CACNA1E: variants seen among roughly 807,000 people sequenced by gnomAD.
CACNA1E encodes the protein calcium voltage-gated channel subunit alpha1 E.
CACNA1E carries 40 observed loss-of-function variants against 259.2 expected under a neutral mutation model. The observed-to-expected ratio is 0.15, with a 90% CI of 0.12 to 0.20. CACNA1E has a LOEUF of 0.20. Among genes scored for constraint, CACNA1E ranks in the 10% least tolerant of loss-of-function variants. The pLI is 1.00. For missense variants in CACNA1E, 1,874 were observed against 3,040.1 expected, an observed-to-expected ratio of 0.62 and a Z score of 9.02; for synonymous variants, 1,104 against 1,138.5, an observed-to-expected ratio of 0.97 and a Z score of 0.61.
chr1:181,620,605 G>A (rs1469192691), intron 6 of CACNA1E, among the ~76,000 whole-genome samples: 1 of 152,188 alleles, frequency 6.6e-6, no homozygotes, highest in Non-Finnish European at 1.5e-5. Context: ...CTATACTCAT[G>A]GCATTATGGT....
At chr1:181,791,591 C>T (rs1428666379) in intron 44 of CACNA1E, among the ~76,000 whole-genome samples, 1 of 152,216 alleles carries the variant, frequency 6.6e-6, no homozygotes, top group Non-Finnish European at 1.5e-5. Flanking sequence ...GGTTCCTAAA[C>T]ATCATTGACT....
At chr1:181,521,310 C>T (rs908310175) in intron 3 of CACNA1E, among the ~76,000 whole-genome samples, 1 of 152,230 alleles carries the variant, frequency 6.6e-6, no homozygotes, top group Non-Finnish European at 1.5e-5. Context: ...GAGTCCTTAC[C>T]TAGTCCAGGT....
intron 7 of CACNA1E, among the ~76,000 whole-genome samples, chr1:181,687,433 C>T (rs1650695261): frequency 6.6e-6 from 1 of 152,096 alleles, no homozygotes; most frequent in African/African-American, 2.4e-5. Context: ...TCCAGTTCAC[C>T]CCTCAGCTGG....
chr1:181,613,318 C>G (rs964306193), intron 6 of CACNA1E, among the ~76,000 whole-genome samples: 1 of 152,106 alleles, frequency 6.6e-6, no homozygotes, highest in African/African-American at 2.4e-5. Context: ...TTTTGAGACC[C>G]CCCAAACTTA....
Position 181,798,533 on chromosome 1 carries a change from C to T in CACNA1E, c.6641C>T (p.Pro2214Leu), listed in dbSNP as rs767278261. The T allele has an allele frequency of 1.1e-5, 18 of 1,613,736 alleles. No homozygotes were observed. Among genetic ancestry groups the T allele is most frequent in the Admixed American group, 1.7e-5 (1 of 60,010 alleles). ...NACLTESSNS[P>L]HPQQSQHASP... Reference sequence around the variant, plus strand: ...TGCCTGACCGAGTCTTCCAACTCTCCGCACCCCCAGCAGAGCCAACATGCC... The same window carrying T: ...TGCCTGACCGAGTCTTCCAACTCTCTGCACCCCCAGCAGAGCCAACATGCC... The change falls in exon 48 of 48, where the codon CCG (proline) becomes CTG (leucine). Residue 2214 changes from proline (P) to leucine (L), a missense_variant. By Grantham distance (98) the Pro-to-Leu change is moderately conservative. Coordinates refer to ENST00000367573, the MANE Select transcript of CACNA1E (RefSeq NM_001205293.3). This position sits in a 1 kb window ranked among gnomAD's most constrained non-coding sequence, Gnocchi z 4.2.
At chr1:181,477,173 C>G (rs1031738024) in intron 2 of CACNA1E, among the ~76,000 whole-genome samples, 3 of 150,392 alleles carry the variant, frequency 2.0e-5, no homozygotes, top group African/African-American at 7.4e-5. Flanking sequence ...CCCAAAACAT[C>G]CTAAACATTC....
intron 7 of CACNA1E, among the ~76,000 whole-genome samples, chr1:181,667,931 C>T (rs1648403192): frequency 6.6e-6 from 1 of 151,928 alleles, no homozygotes; most frequent in African/African-American, 2.4e-5. Flanking sequence ...TATTCTTCTC[C>T]CAGTTTCCCC....
At position 181,732,256 on chromosome 1, in the gene CACNA1E, T is replaced by A. The variant is rs1305341317; in HGVS notation, c.2298-128T>A. ...TCCTCGCATCTTTCTGTGCTTCCTGTCTGCAGGTCCTGGGCACTCCCATTT... is the reference window on the plus strand; with the variant it reads ...TCCTCGCATCTTTCTGTGCTTCCTGACTGCAGGTCCTGGGCACTCCCATTT... On this transcript the variant is annotated intron_variant, in intron 19 of 47. Transcript: ENST00000367573. This position sits in a 1 kb window ranked among gnomAD's most constrained non-coding sequence, Gnocchi z 5.5. 4 of 1,339,050 alleles carry A rather than the reference T, an allele frequency of 3.0e-6. No homozygotes were observed. The highest frequency in any genetic ancestry group is 3.9e-6 in the Non-Finnish European group (4 of 1,035,506). 82.9% of individuals were successfully genotyped at this position (1,339,050 alleles called of 1,614,324 possible).
At chr1:181,476,710 A>C (rs1662876491) in intron 2 of CACNA1E, among the ~76,000 whole-genome samples, 1 of 152,152 alleles carries the variant, frequency 6.6e-6, no homozygotes, top group African/African-American at 2.4e-5. Context: ...CGAGCTTTGC[A>C]AGGTGTGGGC....
Position 181,731,120 on chromosome 1 carries a change from G to A in CACNA1E, c.2241-55G>A, listed in dbSNP as rs1655432797. The A allele has an allele frequency of 4.2e-6, 6 of 1,419,946 alleles. No individual in the cohort carries two copies. The East Asian group carries it at 1.4e-4, about 32-fold the overall frequency. 88.0% of individuals were successfully genotyped at this position (1,419,946 alleles called of 1,614,324 possible). A position where few individuals can be genotyped will look rare whatever the true frequency, so the allele number is the denominator to read the frequency against. On this transcript the variant is annotated intron_variant, in intron 18 of 47. Transcript: ENST00000367573. ...CTGGAAATCTGCTGGTGGCTGTGGG[G>A]CTTGAGGTTCCTAGAGGTTGGGGTG...
chr1:181,349,446 A>G (rs1326567082), intron 1 of CACNA1E, among the ~76,000 whole-genome samples: 2 of 152,224 alleles, frequency 1.3e-5, no homozygotes, highest in Admixed American at 6.5e-5. Flanking sequence ...ATTGTGTTCT[A>G]TGAAAACTCC....
intron 1 of CACNA1E, among the ~76,000 whole-genome samples, chr1:181,322,323 G>T (rs1158666249): frequency 1.3e-5 from 2 of 152,156 alleles, no homozygotes; most frequent in Non-Finnish European, 2.9e-5. Flanking sequence ...TAGGACAAAG[G>T]GAGAAGGAGA....
intron 6 of CACNA1E, among the ~76,000 whole-genome samples, chr1:181,588,671 T>C (rs1417258232): frequency 6.6e-6 from 1 of 152,248 alleles, no homozygotes; most frequent in East Asian, 1.9e-4. Flanking sequence ...TGTCTGTGCA[T>C]AGCCATTAGG....
intron 6 of CACNA1E, among the ~76,000 whole-genome samples, chr1:181,621,822 C>T (rs1440458193): frequency 1.3e-5 from 2 of 152,130 alleles, no homozygotes; most frequent in Non-Finnish European, 2.9e-5. Flanking sequence ...ACCTATTGTG[C>T]TACCTAGCCT....
intron 3 of CACNA1E, among the ~76,000 whole-genome samples, chr1:181,559,537 A>G (rs968274328): frequency 2.6e-5 from 4 of 152,236 alleles, no homozygotes; most frequent in Admixed American, 6.5e-5. Context: ...GAGTAGCCAA[A>G]GGAGAAAAGG....
chr1:181,438,141 T>C (rs1373692905), intron 2 of CACNA1E, among the ~76,000 whole-genome samples: 2 of 152,200 alleles, frequency 1.3e-5, no homozygotes, highest in East Asian at 3.9e-4. Flanking sequence ...TGGGGTGCTG[T>C]CACCAGGACC....
At chr1:181,690,879 A>G (rs542477145) in intron 7 of CACNA1E, among the ~76,000 whole-genome samples, 1 of 152,084 alleles carries the variant, frequency 6.6e-6, no homozygotes, top group African/African-American at 2.4e-5. Flanking sequence ...TTTTCTACAT[A>G]GACGACTTCT....
At chr1:181,394,730 A>G (rs776359200) in intron 1 of CACNA1E, among the ~76,000 whole-genome samples, 23 of 152,220 alleles carry the variant, frequency 1.5e-4, no homozygotes, top group Non-Finnish European at 2.9e-4. Flanking sequence ...AAATATGTGA[A>G]GAAGATGACG....
intron 3 of CACNA1E, among the ~76,000 whole-genome samples, chr1:181,566,503 C>A (rs986407473): frequency 6.6e-6 from 1 of 152,172 alleles, no homozygotes; most frequent in African/African-American, 2.4e-5. Context: ...GAAGGAAATG[C>A]AGGACCATTG....
Sources: allele counts gnomAD v4.1 joint callset (sites outside exome capture counted in the v4.1 genomes callset), GRCh38; gene constraint gnomAD v4.1.1; non-coding constraint Gnocchi (gnomAD v3.1); transcripts MANE v1.5; gene names NCBI Gene and HGNC (gene_info 2026-07-23, HGNC 2026-07-21).